OTUD7B: variants seen among roughly 807,000 people sequenced by gnomAD.
The protein encoded by OTUD7B is OTU domain-containing protein 7B.
In OTUD7B, 34 loss-of-function variants were observed where a neutral mutation model predicts 82.2. The observed-to-expected ratio is 0.41, with a 90% CI of 0.31 to 0.55. OTUD7B has a LOEUF of 0.55. Ranked by LOEUF, OTUD7B falls within the 20% of genes least tolerant of loss-of-function variation. The pLI is 0.20. For missense variants in OTUD7B, 944 were observed against 1,062.1 expected, an observed-to-expected ratio of 0.89 and a Z score of 1.55; for synonymous variants, 398 against 402.7, an observed-to-expected ratio of 0.99 and a Z score of 0.14.
At chr1:150,023,106 C>T in the OTUD7B span, among the ~76,000 whole-genome samples, 6 of 152,160 alleles carry the variant, frequency 3.9e-5, no homozygotes, top group Admixed American at 1.3e-4. Flanking sequence ...AGTCACTAGA[C>T]GACCCAGAAT....
At chr1:150,041,323 G>C in the OTUD7B span, among the ~76,000 whole-genome samples, 5 of 151,888 alleles carry the variant, frequency 3.3e-5, no homozygotes, top group African/African-American at 1.2e-4. Flanking sequence ...CCAATGCTTT[G>C]TTGTTGTTGT....
In OTUD7B at chr1:149,957,219, G is replaced by C. The variant is rs1553774753; in HGVS notation, c.845+2465C>G. On this transcript the variant is annotated intron_variant, in intron 7 of 11. Transcript: ENST00000581312. ...ATGGTGACATACAGATGGGGTATTG[G>C]TGTGGATGTCCTTTCTGTTAGTTTT... 4.0e-5 allele frequency among the ~76,000 whole-genome samples: 6 copies of C among 151,662 alleles called. 1 individual carries two copies. The South Asian group carries it at 1.0e-3, about 26-fold the overall frequency.
the OTUD7B span, among the ~76,000 whole-genome samples, chr1:150,044,174 A>AT: frequency 3.4e-5 from 5 of 148,210 alleles, no homozygotes; most frequent in Admixed American, 6.9e-5. Flanking sequence ...ACCCAATTAT[A>AT]TTTTTTTCAA....
chr1:150,004,529 C>T (rs1652527339), intron 1 of OTUD7B, among the ~76,000 whole-genome samples: 1 of 151,848 alleles, frequency 6.6e-6, no homozygotes, highest in African/African-American at 2.4e-5. Flanking sequence ...CACTGCACTC[C>T]AGCCTGAGCT....
chr1:150,024,836 T>C, the OTUD7B span, among the ~76,000 whole-genome samples: 5 of 151,890 alleles, frequency 3.3e-5, no homozygotes, highest in South Asian at 2.1e-4. Flanking sequence ...TCTCTTGAGG[T>C]CAGGAGTTCA....
rs781901173 is a variant in OTUD7B at position 149,971,127 on chromosome 1, A to G, written c.210T>C (p.Phe70=). 6.2e-7 allele frequency: 1 copy of G among 1,613,546 alleles called. No homozygotes were observed. Among genetic ancestry groups the G allele is most frequent in the Non-Finnish European group, 8.5e-7 (1 of 1,179,588 alleles). The part of the protein sequence containing the change: ...SGGSRTPEKG[F]SDREPTRPPR... ...GAGGGCGAGTAGGCTCTCTGTCAGA[A>G]AACCCTTTTTCAGGGGTCCTGGAGC... The change falls in exon 3 of 12, where the codon TTT becomes TTC. Residue 70 remains phenylalanine, a synonymous_variant. Coordinates refer to ENST00000581312, the MANE Select transcript of OTUD7B (RefSeq NM_020205.4).
intron 1 of OTUD7B, among the ~76,000 whole-genome samples, chr1:149,983,839 G>T (rs1168878264): frequency 6.6e-6 from 1 of 152,186 alleles, no homozygotes; most frequent in African/African-American, 2.4e-5. Flanking sequence ...GGAGAGAATT[G>T]ATTAGAAAAT....
chr1:149,946,610 C>T (rs1002547439), intron 11 of OTUD7B, among the ~76,000 whole-genome samples: 1 of 151,024 alleles, frequency 6.6e-6, no homozygotes, highest in Non-Finnish European at 1.5e-5. Flanking sequence ...GGTGTGGTGG[C>T]GCACGTCTGT....
chr1:150,036,077 C>G, the OTUD7B span, among the ~76,000 whole-genome samples: 3 of 151,070 alleles, frequency 2.0e-5, no homozygotes. Flanking sequence ...CTCAGCCTTC[C>G]AATTAACTGG....
At chr1:149,982,747 C>T (rs1301271010) in intron 1 of OTUD7B, among the ~76,000 whole-genome samples, 1 of 151,946 alleles carries the variant, frequency 6.6e-6, no homozygotes, top group South Asian at 2.1e-4. Flanking sequence ...AACCTGGACC[C>T]TGCCATGTCC....
At chr1:149,965,901 GA>G (rs782495573) in intron 4 of OTUD7B, 23 bp from the exon 5 acceptor site, 5 of 1,584,464 alleles carry the variant, frequency 3.2e-6, no homozygotes, top group Non-Finnish European at 4.3e-6. Flanking sequence ...GATAGTGGAG[GA>G]AAAGGAGATT....
the OTUD7B span, chr1:150,050,363 G>A: frequency 6.6e-6 from 1 of 152,116 alleles, no homozygotes; most frequent in East Asian, 1.9e-4. Context: ...TTTGAGTTGT[G>A]AGAAAAATGC....
chr1:149,963,459 A>G (rs1553775907), intron 6 of OTUD7B: 1 of 152,240 alleles, frequency 6.6e-6, no homozygotes, highest in East Asian at 1.9e-4. Flanking sequence ...ACATGTTACT[A>G]CTGTGCTGCT....
At position 149,949,631 on chromosome 1, in the gene OTUD7B, T is replaced by C; in HGVS notation, c.1121A>G (p.Gln374Arg). 1 of 1,613,568 alleles carries C rather than the reference T, an allele frequency of 6.2e-7. No homozygotes were observed. Among genetic ancestry groups the C allele is most frequent in the Non-Finnish European group, 8.5e-7 (1 of 1,179,576 alleles). Residue 374 changes from glutamine to arginine, a missense_variant and splice_region_variant, in exon 9 of 12, where the codon CAA becomes CGA. By Grantham distance (43) the Gln-to-Arg change is conservative (BLOSUM62 1). Coordinates refer to ENST00000581312, the MANE Select transcript of OTUD7B (RefSeq NM_020205.4). The part of the protein sequence containing the change: ...SMEQKENTKE[Q>R]AVIPLTDSEY... ...CCAAAAGACATGTCATTCAGCACCTTGTTCCTTGGTATTCTCCTTCTGCTC... is the reference window on the plus strand; with the variant it reads ...CCAAAAGACATGTCATTCAGCACCTCGTTCCTTGGTATTCTCCTTCTGCTC...
chr1:150,026,988 A>G, the OTUD7B span, among the ~76,000 whole-genome samples: 1 of 152,238 alleles, frequency 6.6e-6, no homozygotes, highest in Non-Finnish European at 1.5e-5. Context: ...AGTTAAAGCT[A>G]TACTATATTC....
In OTUD7B at chr1:149,942,091, A is replaced by C. The variant is rs1559817252; in HGVS notation, c.*1766T>G. 6.6e-6 allele frequency: 1 copy of C among 152,620 alleles called. No individual in the cohort carries two copies. The highest frequency in any genetic ancestry group is 2.4e-5 in the African/African-American group (1 of 41,464). The allele number at this position is 152,620 out of a possible 1,614,324, so 9.5% of individuals were successfully genotyped here. On this transcript the variant is annotated 3_prime_UTR_variant, in exon 12 of 12. Coordinates refer to ENST00000581312, the MANE Select transcript of OTUD7B (RefSeq NM_020205.4). ...ATCTTGACTGGCTACCGAGGAGGAAAACACACACACATATGCACGCACGCA... is the reference window on the plus strand; with the variant it reads ...ATCTTGACTGGCTACCGAGGAGGAACACACACACACATATGCACGCACGCA...
At chr1:150,053,517 C>T in the OTUD7B span, among the ~76,000 whole-genome samples, 1 of 151,940 alleles carries the variant, frequency 6.6e-6, no homozygotes, top group Admixed American at 6.6e-5. Flanking sequence ...CTGTCTCAGC[C>T]TCCCAAGTAG....
At chr1:149,978,234 C>G (rs1455121771) in intron 1 of OTUD7B, among the ~76,000 whole-genome samples, 1 of 152,164 alleles carries the variant, frequency 6.6e-6, no homozygotes, top group African/African-American at 2.4e-5. Context: ...AGGCCAGGTG[C>G]GGTGGCTCAC....
chr1:150,023,031 AC>A, the OTUD7B span, among the ~76,000 whole-genome samples: 1 of 152,140 alleles, frequency 6.6e-6, no homozygotes, highest in Admixed American at 6.5e-5. Context: ...AATCCCTCTC[AC>A]CTGGTATATG....
Sources: gnomAD v4.1 joint callset for allele counts (sites outside exome capture counted in the v4.1 genomes callset) on GRCh38, gnomAD v4.1.1 for gene constraint, MANE v1.5 for transcripts, NCBI Gene and HGNC (gene_info 2026-07-23, HGNC 2026-07-21) for gene names.